Variants in SGIP1 observed in about 807,000 individuals in gnomAD.
SGIP1 encodes SH3-containing GRB2-like protein 3-interacting protein 1.
A neutral mutation model predicts 107.5 loss-of-function variants in SGIP1; 38 were observed. The observed-to-expected ratio is 0.35, with a 90% CI of 0.27 to 0.46. The LOEUF (loss-of-function observed/expected upper bound fraction) is 0.46, where lower values mean the gene tolerates loss of function less well. Among genes scored for constraint, SGIP1 ranks in the 20% least tolerant of loss-of-function variants. SGIP1 has a pLI of 1.00. For missense variants in SGIP1, 929 were observed against 1,019.5 expected (o/e 0.91, Z 1.21); for synonymous variants, 365 against 366.1 (o/e 1.00, Z 0.03).
chr1:66,636,730 A>C (rs754461241), intron 4 of SGIP1, among the ~76,000 whole-genome samples: 4 of 152,296 alleles, frequency 2.6e-5, no homozygotes, highest in Non-Finnish European at 5.9e-5. Flanking sequence ...GATAATATTT[A>C]GGCAGTACGT....
In SGIP1 at chr1:66,731,687, C is replaced by T. The variant is rs1221057656; in HGVS notation, c.1899-2061C>T. Among the ~76,000 whole-genome samples the T allele has an allele frequency of 3.3e-5, 5 of 152,204 alleles. No individual in the cohort carries two copies. In the East Asian group the frequency reaches 5.8e-4, roughly 18 times the overall value. Reference sequence around the variant, plus strand: ...CACTCCACTACCTCAACCACCACAACCATCCCCAGTTTTTTAAAAAGGCAT... The same window carrying T: ...CACTCCACTACCTCAACCACCACAATCATCCCCAGTTTTTTAAAAAGGCAT... On this transcript the variant is annotated intron_variant, in intron 20 of 24. Transcript: ENST00000371037.
chr1:66,743,297 A>G lies in SGIP1; in HGVS notation c.*202A>G. ...TACAGTATTTACTTCTAGGTGTAATATTGTTAATGGTTTTAAAATGTAATT... is the reference window on the plus strand; with the variant it reads ...TACAGTATTTACTTCTAGGTGTAATGTTGTTAATGGTTTTAAAATGTAATT... On this transcript the variant is annotated 3_prime_UTR_variant, in exon 25 of 25. Transcript: ENST00000371037. 2.1e-6 allele frequency: 1 copy of G among 468,798 alleles called. No homozygotes were observed. The highest frequency in any genetic ancestry group is 3.8e-6 in the Non-Finnish European group (1 of 262,806). The allele number at this position is 468,798 out of a possible 1,614,324, so 29.0% of individuals were successfully genotyped here. A position where few individuals can be genotyped will look rare whatever the true frequency, so the allele number is the denominator to read the frequency against.
intron 1 of SGIP1, among the ~76,000 whole-genome samples, chr1:66,584,595 AC>A (rs1296207115): frequency 1.3e-5 from 2 of 152,280 alleles, no homozygotes; most frequent in African/African-American, 4.8e-5. Context: ...TCAGGTCAAT[AC>A]TGTACTATGT....
intron 1 of SGIP1, among the ~76,000 whole-genome samples, chr1:66,592,897 CTTTTTTTTTTTTT>C (rs35762612): frequency 4.6e-4 from 26 of 56,340 alleles, no homozygotes; most frequent in Admixed American, 2.6e-4. Flanking sequence ...TCTTCTTCTT[CTTTTTTTTTTTTT>C]TTTTTTTTTT....
At chr1:66,742,001 C>T (rs72922021) in intron 24 of SGIP1, among the ~76,000 whole-genome samples, 22,407 of 152,046 alleles carry the variant, frequency 0.15, 1,828 homozygotes, top group Middle Eastern at 0.18. Context: ...CCCCTGAGCT[C>T]GTGATCCGCC....
chr1:66,625,816 G>A (rs2072534904), intron 1 of SGIP1, 31 bp from the exon 2 acceptor site: 1 of 1,597,526 alleles, frequency 6.3e-7, no homozygotes, highest in African/African-American at 1.3e-5. Flanking sequence ...GTTGCTGAGA[G>A]AGTTTTTGAC....
At chr1:66,613,291 T>C (rs945692084) in intron 1 of SGIP1, among the ~76,000 whole-genome samples, 1 of 152,152 alleles carries the variant, frequency 6.6e-6, no homozygotes, top group Non-Finnish European at 1.5e-5. Context: ...TCTAGTACTT[T>C]CAACGACTGC....
At position 66,679,702 on chromosome 1, in the gene SGIP1, A is replaced by G. The variant is rs2086222620; in HGVS notation, c.764A>G (p.Asn255Ser). 2.5e-6 allele frequency: 4 copies of G among 1,606,890 alleles called. No homozygotes were observed. The highest frequency in any genetic ancestry group is 1.7e-5 in the Admixed American group (1 of 57,980). The change falls in exon 14 of 25, where the codon AAT (asparagine) becomes AGT (serine). Residue 255 changes from asparagine (N) to serine (S), a missense_variant. Around this residue, in one of 2 missense-constraint regions of SGIP1, gnomAD observed 588 missense variants for 588.6 expected, o/e 1.00. Transcript: ENST00000371037. ...GCACCTCCACCACTGCCTCCAAAAA[A>G]TGTACCAGCTACCCCACCCCGAACA... ...TGTPPPLPPK[N>S]VPATPPRTGS...
chr1:66,691,360 A>T (rs1391074852), intron 17 of SGIP1, among the ~76,000 whole-genome samples: 2 of 152,220 alleles, frequency 1.3e-5, no homozygotes, highest in Non-Finnish European at 2.9e-5. Flanking sequence ...CAGATAAATA[A>T]GTTAAGGTGT....
chr1:66,670,153 T>C (rs1363070953), intron 9 of SGIP1, among the ~76,000 whole-genome samples: 1 of 152,226 alleles, frequency 6.6e-6, no homozygotes, highest in East Asian at 1.9e-4. Context: ...TACCCCACGA[T>C]GCAACCATCC....
At chr1:66,709,755 G>A (rs12728269) in intron 18 of SGIP1, among the ~76,000 whole-genome samples, 18,576 of 152,024 alleles carry the variant, frequency 0.12, 1,872 homozygotes, top group East Asian at 0.51. Flanking sequence ...TGTAAAATGG[G>A]GATAACAATA....
chr1:66,736,263 T>C (rs191605663), intron 21 of SGIP1, among the ~76,000 whole-genome samples: 53 of 58,752 alleles, frequency 9.0e-4, no homozygotes, highest in African/African-American at 4.1e-3. Flanking sequence ...ATTTTAAATA[T>C]AAATATTTAT....
Position 66,729,115 on chromosome 1 carries a change from A to G in SGIP1, c.1743-149A>G. ...TACCCCTGAACCTAAAATAGAAGTT[A>G]AAGTATTTTTTAATGGAATTGTAAG... is the stretch of plus-strand genomic sequence containing the variant. On this transcript the variant is annotated intron_variant, in intron 19 of 24. Coordinates refer to ENST00000371037, the MANE Select transcript of SGIP1 (RefSeq NM_032291.4). The G allele has an allele frequency of 3.4e-6, 3 of 888,830 alleles. 1 individual carries two copies. The South Asian group carries it at 5.4e-5, about 16-fold the overall frequency. 55.1% of individuals were successfully genotyped at this position (888,830 alleles called of 1,614,324 possible).
intron 3 of SGIP1, chr1:66,634,027 T>A (rs1281852496): frequency 6.8e-7 from 1 of 1,470,070 alleles, no homozygotes; most frequent in Non-Finnish European, 9.3e-7. Context: ...GTTAAGAAAA[T>A]AGACTGAAAT....
Position 66,745,001 on chromosome 1 carries a change from G to T in SGIP1, c.*1906G>T, listed in dbSNP as rs1263866212. On this transcript the variant is annotated 3_prime_UTR_variant, in exon 25 of 25. Transcript: ENST00000371037. The stretch of plus-strand genomic sequence containing the variant: ...GCAAACTGAGAATTATCCAGCATAT[G>T]AATATAACAATGTGTTTTTAAGTAA... 1 of 152,360 alleles carries T rather than the reference G, an allele frequency of 6.6e-6. No homozygotes were observed. The highest frequency in any genetic ancestry group is 2.1e-4 in the South Asian group (1 of 4,826). The allele number at this position is 152,360 out of a possible 1,614,324, so 9.4% of individuals were successfully genotyped here. A position where few individuals can be genotyped will look rare whatever the true frequency, so the allele number is the denominator to read the frequency against.
At chr1:66,697,799 G>A (rs541665548) in intron 18 of SGIP1, among the ~76,000 whole-genome samples, 3 of 152,172 alleles carry the variant, frequency 2.0e-5, no homozygotes, top group East Asian at 1.9e-4. Flanking sequence ...AATTTACCTC[G>A]AGAGTAGTGC....
At chr1:66,690,019 T>G (rs2089468579) in intron 16 of SGIP1, among the ~76,000 whole-genome samples, 171 bp from the exon 17 acceptor site, 1 of 152,214 alleles carries the variant, frequency 6.6e-6, no homozygotes, top group Non-Finnish European at 1.5e-5. Flanking sequence ...TTTCTCCAGC[T>G]CCATTCCACA....
intron 17 of SGIP1, among the ~76,000 whole-genome samples, chr1:66,692,306 C>T (rs2090033333): frequency 6.6e-6 from 1 of 151,944 alleles, no homozygotes; most frequent in African/African-American, 2.4e-5. Flanking sequence ...CAAGATGAAC[C>T]AGAGTGGGAT....
At chr1:66,715,062 C>T (rs967499369) in intron 18 of SGIP1, among the ~76,000 whole-genome samples, 1 of 151,930 alleles carries the variant, frequency 6.6e-6, no homozygotes, top group African/African-American at 2.4e-5. Flanking sequence ...CATTGATCTG[C>T]ATTTTGATTT....
Sources: gnomAD v4.1 joint callset for allele counts (sites outside exome capture counted in the v4.1 genomes callset) on GRCh38, gnomAD v4.1.1 for gene constraint, gnomAD v4.1.1 regional missense constraint, MANE v1.5 for transcripts, NCBI Gene and HGNC (gene_info 2026-07-23, HGNC 2026-07-21) for gene names.